NTRK2: variants seen among roughly 807,000 people sequenced by gnomAD.
The protein encoded by NTRK2 is neurotrophic receptor tyrosine kinase 2, also known as BDNF/NT-3 growth factors receptor.
In NTRK2, 13 loss-of-function variants were observed where a neutral mutation model predicts 94.5. That is an observed-to-expected ratio of 0.14 (90% CI 0.09 to 0.22). The LOEUF (loss-of-function observed/expected upper bound fraction) is 0.22, where lower values mean the gene tolerates loss of function less well. Ranked by LOEUF, NTRK2 falls within the 10% of genes least tolerant of loss-of-function variation. NTRK2 has a pLI of 1.00. For missense variants in NTRK2, 639 were observed against 1,071.2 expected (o/e 0.60, Z 5.63); for synonymous variants, 372 against 407.4 (o/e 0.91, Z 1.05).
At position 84,846,317 on chromosome 9, in the gene NTRK2, G is replaced by A. The variant is rs17087771; in HGVS notation, c.1397-14723G>A. ...GTCCTTCCTGGACAGACCTCTCATC[G>A]TCCCCTCCATGTGATCAATAGAATG... On this transcript the variant is annotated intron_variant, in intron 12 of 18. Coordinates refer to ENST00000277120, the MANE Select transcript of NTRK2 (RefSeq NM_006180.6). 2.9e-4 allele frequency among the ~76,000 whole-genome samples: 44 copies of A among 152,258 alleles called. 1 individual carries two copies. The East Asian group carries it at 6.6e-3, about 23-fold the overall frequency.
chr9:85,001,809 C>A (rs1830370697), intron 17 of NTRK2, among the ~76,000 whole-genome samples: 1 of 152,314 alleles, frequency 6.6e-6, no homozygotes, highest in South Asian at 2.1e-4. Flanking sequence ...TGCGCTGGCC[C>A]CTGACTGACA....
chr9:84,961,167 C>A (rs1367696375), intron 17 of NTRK2, among the ~76,000 whole-genome samples: 1 of 152,160 alleles, frequency 6.6e-6, no homozygotes, highest in Non-Finnish European at 1.5e-5. Context: ...CCTTTGAAAC[C>A]AGGCACAATA....
rs577045786 is a variant in NTRK2, at chr9:84,988,882, G to A, written c.2173-31324G>A. Among the ~76,000 whole-genome samples the A allele has an allele frequency of 6.6e-5, 10 of 152,362 alleles. No homozygotes were observed. The South Asian group carries it at 1.0e-3, about 16-fold the overall frequency. On this transcript the variant is annotated intron_variant, in intron 17 of 18. Transcript: ENST00000277120. Reference sequence around the variant, plus strand: ...CAGGCCAAAACACCAAGGAGCTGAGGCTACCAGGAGTGGCTTATCTGACTA... The same window carrying A: ...CAGGCCAAAACACCAAGGAGCTGAGACTACCAGGAGTGGCTTATCTGACTA...
intron 15 of NTRK2, among the ~76,000 whole-genome samples, chr9:84,944,403 C>T (rs1291847007): frequency 6.6e-6 from 1 of 152,052 alleles, no homozygotes; most frequent in Non-Finnish European, 1.5e-5. Flanking sequence ...GCTGGGATTA[C>T]AGGTGTGAGC....
intron 17 of NTRK2, among the ~76,000 whole-genome samples, chr9:84,982,455 GGT>G (rs1827749074): frequency 6.6e-6 from 1 of 152,144 alleles, no homozygotes; most frequent in African/African-American, 2.4e-5. Context: ...AGGAATCTAT[GGT>G]CAAAAGACTC....
At chr9:84,792,276 A>G (rs184268852) in intron 12 of NTRK2, among the ~76,000 whole-genome samples, 6 of 152,342 alleles carry the variant, frequency 3.9e-5, no homozygotes, top group South Asian at 2.1e-4. Context: ...CAAGTTTTGG[A>G]TATACTGAGA....
At chr9:84,932,504 T>C (rs907423816) in intron 14 of NTRK2, among the ~76,000 whole-genome samples, 2 of 152,226 alleles carry the variant, frequency 1.3e-5, no homozygotes, top group African/African-American at 4.8e-5. Context: ...TATTATTATT[T>C]ACTGCAGTTT....
intron 12 of NTRK2, among the ~76,000 whole-genome samples, chr9:84,799,879 A>G (rs1187287): frequency 0.74 from 112,414 of 152,074 alleles, 42,577 homozygotes; most frequent in Admixed American, 0.84. Context: ...CTAAACCATG[A>G]TATTCATTAC....
Position 84,870,320 on chromosome 9 carries a change from G to GGTGTGTGTGT in NTRK2, c.1633+2892_1633+2901dup, listed in dbSNP as rs369162349. Among the ~76,000 whole-genome samples, 163 of 46,306 alleles carry GGTGTGTGTGT rather than the reference G, an allele frequency of 3.5e-3. 8 individuals are homozygous for GGTGTGTGTGT. Among genetic ancestry groups the GGTGTGTGTGT allele is most frequent in the South Asian group, 0.027 (16 of 594 alleles). 30.4% of individuals were successfully genotyped at this position (46,306 alleles called of 152,430 possible). A position where few individuals can be genotyped will look rare whatever the true frequency, so the allele number is the denominator to read the frequency against. ...TACATGTACATATACATATATGTGG[G>GGTGTGTGTGT]GTGTGTGTGTGTATATATATATATA... On this transcript the variant is annotated intron_variant, in intron 14 of 18. Transcript: ENST00000277120.
intron 14 of NTRK2, chr9:84,877,850 A>G: frequency 9.6e-7 from 1 of 1,039,268 alleles, no homozygotes; most frequent in Non-Finnish European, 1.2e-6. Flanking sequence ...GATGTAGTTG[A>G]TCATTCAGAG....
intron 14 of NTRK2, chr9:84,876,793 T>C: frequency 1.0e-5 from 11 of 1,061,350 alleles, no homozygotes; most frequent in Non-Finnish European, 1.3e-5. Flanking sequence ...GAGCCTTATT[T>C]AGAAGGCTAG....
intron 17 of NTRK2, among the ~76,000 whole-genome samples, chr9:84,990,706 C>G (rs1437388215): frequency 6.6e-6 from 1 of 152,172 alleles, no homozygotes; most frequent in South Asian, 2.1e-4. Flanking sequence ...TTTGACATTA[C>G]GTGCGCCAGC....
At chr9:84,890,203 G>T (rs531630879) in intron 14 of NTRK2, among the ~76,000 whole-genome samples, 1 of 152,114 alleles carries the variant, frequency 6.6e-6, no homozygotes, top group East Asian at 1.9e-4. Flanking sequence ...CTCACCTTAG[G>T]TCACACTAGG....
chr9:84,691,527 G>A (rs1220035322), intron 2 of NTRK2, among the ~76,000 whole-genome samples: 3 of 152,100 alleles, frequency 2.0e-5, no homozygotes, highest in African/African-American at 7.2e-5. Context: ...GCTGGTTAAG[G>A]CCAGATCTGT....
intron 14 of NTRK2, among the ~76,000 whole-genome samples, chr9:84,895,725 T>C (rs1317108459): frequency 6.6e-6 from 1 of 152,222 alleles, no homozygotes; most frequent in Non-Finnish European, 1.5e-5. Flanking sequence ...AGTGCAAAGC[T>C]GTGAGGCTTG....
chr9:84,936,617 C>A (rs866772201), intron 15 of NTRK2, among the ~76,000 whole-genome samples: 1 of 152,054 alleles, frequency 6.6e-6, no homozygotes, highest in Non-Finnish European at 1.5e-5. Flanking sequence ...TAAGTATTTG[C>A]AAAGTAATGA....
At chr9:84,812,392 A>G (rs1686461842) in intron 12 of NTRK2, 2 of 1,057,680 alleles carry the variant, frequency 1.9e-6, no homozygotes, top group African/African-American at 1.6e-5. Context: ...ACATGCCGCC[A>G]GTTCTCAAGT....
intron 17 of NTRK2, among the ~76,000 whole-genome samples, chr9:84,979,734 A>C (rs1272242712): frequency 1.3e-5 from 2 of 152,242 alleles, no homozygotes; most frequent in East Asian, 3.8e-4. Flanking sequence ...TCCATGCAAT[A>C]AATTTCACTG....
chr9:84,684,768 C>T (rs1245198517), intron 2 of NTRK2, among the ~76,000 whole-genome samples: 2 of 152,096 alleles, frequency 1.3e-5, no homozygotes, highest in Admixed American at 1.3e-4. Flanking sequence ...AAAGTCTTTT[C>T]GTATGTTTGT....
Sources: allele counts gnomAD v4.1 joint callset (sites outside exome capture counted in the v4.1 genomes callset), GRCh38; gene constraint gnomAD v4.1.1; transcripts MANE v1.5; gene names NCBI Gene and HGNC (gene_info 2026-07-23, HGNC 2026-07-21).